Variants in ASH1L observed in about 807,000 individuals in gnomAD.
The protein encoded by ASH1L is ASH1 like histone lysine methyltransferase.
Under a neutral mutation model 269.0 loss-of-function variants are expected in ASH1L, and 23 were observed. The observed-to-expected ratio is 0.09, with a 90% CI of 0.06 to 0.12. The LOEUF is 0.12. Ranked by LOEUF, ASH1L falls within the 10% of genes least tolerant of loss-of-function variation. The probability of loss-of-function intolerance (pLI) is 1.00; values close to 1 mark genes in which losing one functional copy is unlikely to be tolerated. For synonymous variants in ASH1L, 1,187 were observed against 1,253.5 expected (o/e 0.95, Z 1.12); for missense variants, 2,912 against 3,567.8 (o/e 0.82, Z 4.68).
At chr1:155,429,856 G>A (rs917283552) in intron 5 of ASH1L, among the ~76,000 whole-genome samples, 2 of 152,056 alleles carry the variant, frequency 1.3e-5, no homozygotes, top group Non-Finnish European at 2.9e-5. Flanking sequence ...ATGGAATGTG[G>A]TGGCACGATT....
At chr1:155,530,823 G>A (rs1669624676) in intron 1 of ASH1L, among the ~76,000 whole-genome samples, 1 of 151,948 alleles carries the variant, frequency 6.6e-6, no homozygotes, top group African/African-American at 2.4e-5. Flanking sequence ...GAGGTGGGAG[G>A]ATCACCTGAG....
rs527428178 is a variant in ASH1L, at chr1:155,417,045, C to T, written c.5829-1122G>A. 8.6e-5 allele frequency among the ~76,000 whole-genome samples: 13 copies of T among 151,874 alleles called. No homozygotes were observed. The South Asian group carries it at 2.7e-3, about 32-fold the overall frequency. ...CTCCTGGGTTCAAGAGATTCTCCTA[C>T]CTCAGCCTCCTGAGTAGCTGGGATT... On this transcript the variant is annotated intron_variant, in intron 5 of 27. Transcript: ENST00000392403.
intron 1 of ASH1L, among the ~76,000 whole-genome samples, chr1:155,524,556 T>C (rs538203784): frequency 8.8e-5 from 13 of 148,192 alleles, no homozygotes; most frequent in African/African-American, 2.5e-4. Context: ...AAGTTAGCTG[T>C]GCACAGTAGC....
chr1:155,462,535 T>C (rs1664384907), intron 3 of ASH1L, among the ~76,000 whole-genome samples: 1 of 152,146 alleles, frequency 6.6e-6, no homozygotes, highest in Non-Finnish European at 1.5e-5. Context: ...CAGTGGGAGA[T>C]GGAATGGGGG....
chr1:155,503,552 T>C (rs1473554572), intron 2 of ASH1L, among the ~76,000 whole-genome samples: 2 of 152,216 alleles, frequency 1.3e-5, no homozygotes, highest in African/African-American at 4.8e-5. Flanking sequence ...TCTGACATCT[T>C]TGTTGACATT....
At chr1:155,341,822 G>T in intron 25 of ASH1L, 114 bp downstream of exon 25, 2 of 1,057,570 alleles carry the variant, frequency 1.9e-6, no homozygotes, top group Non-Finnish European at 2.9e-6. Flanking sequence ...TCCATAGTTT[G>T]GGATGGAATT....
At chr1:155,339,204 G>GGGCT (rs1652556302) in intron 26 of ASH1L, 124 bp downstream of exon 26, 1 of 829,078 alleles carries the variant, frequency 1.2e-6, no homozygotes, top group African/African-American at 1.7e-5. Flanking sequence ...GCACTACACT[G>GGGCT]GGCTACTCTG....
Position 155,479,609 on chromosome 1 carries a change from C to T in ASH1L, c.3261G>A (p.Gln1087=). 6.2e-7 allele frequency: 1 copy of T among 1,614,226 alleles called. No homozygotes were observed. Among genetic ancestry groups the T allele is most frequent in the Non-Finnish European group, 8.5e-7 (1 of 1,180,042 alleles). ...ATGAAGGCAGTAATGGGGGAAGAATCTGTCCTAATGCTGACCCAGCTGCCT... is the reference window on the plus strand; with the variant it reads ...ATGAAGGCAGTAATGGGGGAAGAATTTGTCCTAATGCTGACCCAGCTGCCT... ...AQQAAGSALG[Q]ILPPLLPSSA... Residue 1087 remains glutamine, a synonymous_variant, in exon 3 of 28, where the codon CAG becomes CAA. Transcript: ENST00000392403.
Position 155,481,620 on chromosome 1 carries a change from A to C in ASH1L, c.1250T>G (p.Ile417Ser), listed in dbSNP as rs748164062. 3 of 1,614,130 alleles carry C rather than the reference A, an allele frequency of 1.9e-6. No individual in the cohort carries two copies. The highest frequency in any genetic ancestry group is 1.1e-5 in the South Asian group (1 of 91,086). ...TTTAAGGTTTATGGCATCTTTACTG[A>C]TCAGACCTGCCAAAGGACAACTCAT... Reference protein sequence around the residue: ...KLMSCPLAGLISKDAINLKAE... With the variant: ...KLMSCPLAGLSSKDAINLKAE... The change falls in exon 3 of 28, where the codon ATC (isoleucine) becomes AGC (serine). Residue 417 changes from isoleucine (I) to serine (S), a missense_variant. Physicochemically the swap from Ile to Ser is moderately radical, Grantham distance 142. Transcript: ENST00000392403.
At chr1:155,404,996 C>T (rs113937455) in intron 6 of ASH1L, among the ~76,000 whole-genome samples, 1,537 of 151,228 alleles carry the variant, frequency 0.01, 38 homozygotes, top group African/African-American at 0.036. Context: ...CCACTGCACG[C>T]CAGCCTGGTG....
At chr1:155,382,783 T>C (rs948573642) in intron 7 of ASH1L, among the ~76,000 whole-genome samples, 24 of 152,100 alleles carry the variant, frequency 1.6e-4, no homozygotes, top group South Asian at 4.1e-4. Context: ...TGGAGTACAA[T>C]AGCAGGATCA....
intron 12 of ASH1L, among the ~76,000 whole-genome samples, chr1:155,367,699 G>A (rs1030897591): frequency 3.3e-5 from 5 of 151,978 alleles, no homozygotes; most frequent in Admixed American, 1.3e-4. Flanking sequence ...TGCTTCTATT[G>A]AGACAATATA....
At position 155,480,010 on chromosome 1, in the gene ASH1L, G is replaced by A. The variant is rs753847418; in HGVS notation, c.2860C>T (p.Pro954Ser). The A allele has an allele frequency of 6.2e-7, 1 of 1,613,830 alleles. No homozygotes were observed. The highest frequency in any genetic ancestry group is 8.5e-7 in the Non-Finnish European group (1 of 1,179,952). The change falls in exon 3 of 28, where the codon CCA becomes TCA. Residue 954 changes from proline (P) to serine (S), a missense_variant. Physicochemically the swap from Pro to Ser is moderately conservative, Grantham distance 74 (BLOSUM62 -1). This residue lies in a region of ASH1L where 715 missense variants were observed against 721.0 expected (regional missense o/e 0.99). Coordinates refer to ENST00000392403, the MANE Select transcript of ASH1L (RefSeq NM_018489.3). ...DPDDLDDSHR[P>S]SVCSMSDLEM... ...AGGTCACTCATACTACAGACACTTG[G>A]CCTATGACTGTCATCTAGGTCATCT...
chr1:155,357,879 T>A, intron 13 of ASH1L, 130 bp from the exon 14 acceptor site: 1 of 838,732 alleles, frequency 1.2e-6, no homozygotes, highest in East Asian at 2.8e-5. Flanking sequence ...CAACTGATCC[T>A]CCTATCTCAG....
chr1:155,490,661 C>T (rs1570968587), intron 2 of ASH1L, among the ~76,000 whole-genome samples: 1 of 151,500 alleles, frequency 6.6e-6, no homozygotes, highest in East Asian at 2.0e-4. Context: ...CACACTCTCT[C>T]TCTCTCTTTT....
Position 155,480,204 on chromosome 1 carries a change from T to G in ASH1L, c.2666A>C (p.Lys889Thr). 7 of 1,614,130 alleles carry G rather than the reference T, an allele frequency of 4.3e-6. No homozygotes were observed. Among genetic ancestry groups the G allele is most frequent in the Non-Finnish European group, 5.9e-6 (7 of 1,179,996 alleles). ...QGLSVSPFPK[K>T]RGRPKRQMRS... ...CATTTGCCTCTTAGGCCTGCCTCTCTTTTTTGGAAAAGGAGACACAGACAG... is the reference window on the plus strand; with the variant it reads ...CATTTGCCTCTTAGGCCTGCCTCTCGTTTTTGGAAAAGGAGACACAGACAG... The change falls in exon 3 of 28, where the codon AAG becomes ACG. Residue 889 changes from lysine to threonine, a missense_variant. By Grantham distance (78) the Lys-to-Thr change is moderately conservative. This residue lies in a region of ASH1L where 715 missense variants were observed against 721.0 expected (regional missense o/e 0.99). Transcript: ENST00000392403.
Position 155,478,889 on chromosome 1 carries a change from G to T in ASH1L, c.3981C>A (p.Phe1327Leu), listed in dbSNP as rs762849940. ...CTAAGGGGAAAGAAGGATGTGTATA[G>T]AAACTATTAAAGTTGATTCGAAAGA... ...PTIFRINFNSFYTHPSFPLDP... is the reference protein window; with the variant it reads ...PTIFRINFNSLYTHPSFPLDP... Residue 1327 changes from phenylalanine to leucine, a missense_variant, in exon 3 of 28, where the codon TTC (phenylalanine) becomes TTA (leucine). Coordinates refer to ENST00000392403, the MANE Select transcript of ASH1L (RefSeq NM_018489.3). This position sits in a 1 kb window ranked among gnomAD's most constrained non-coding sequence, Gnocchi z 4.6. 1.2e-6 allele frequency: 2 copies of T among 1,614,038 alleles called. No individual in the cohort carries two copies. Among genetic ancestry groups the T allele is most frequent in the Admixed American group, 1.7e-5 (1 of 59,998 alleles).
chr1:155,442,551 C>G (rs1433886278), intron 4 of ASH1L, among the ~76,000 whole-genome samples: 2 of 147,598 alleles, frequency 1.4e-5, no homozygotes, highest in Middle Eastern at 3.6e-3. Flanking sequence ...CCACTGCCCT[C>G]CAGCCTGGGC....
chr1:155,341,832 T>A lies in ASH1L; in HGVS notation c.8460+104A>T, dbSNP rs1167011262. 5 of 1,196,392 alleles carry A rather than the reference T, an allele frequency of 4.2e-6. No individual in the cohort carries two copies. In the Admixed American group the frequency reaches 7.6e-5, roughly 18 times the overall value. 74.1% of individuals were successfully genotyped at this position (1,196,392 alleles called of 1,614,324 possible). A position where few individuals can be genotyped will look rare whatever the true frequency, so the allele number is the denominator to read the frequency against. ...AGATATCCATAGTTTGGGATGGAATTTGGATGAAGAAGCAGAGAACTACGT... is the reference window on the plus strand; with the variant it reads ...AGATATCCATAGTTTGGGATGGAATATGGATGAAGAAGCAGAGAACTACGT... On this transcript the variant is annotated intron_variant, in intron 25 of 27. Transcript: ENST00000392403.
Sources: allele counts gnomAD v4.1 joint callset (sites outside exome capture counted in the v4.1 genomes callset), GRCh38; gene constraint gnomAD v4.1.1; regional missense constraint gnomAD v4.1.1; non-coding constraint Gnocchi (gnomAD v3.1); transcripts MANE v1.5; gene names NCBI Gene and HGNC (gene_info 2026-07-23, HGNC 2026-07-21).